FHIT: variants seen among roughly 807,000 people sequenced by gnomAD.
FHIT encodes bis(5'-adenosyl)-triphosphatase.
In FHIT, 19 loss-of-function variants were observed where a neutral mutation model predicts 17.9. The observed-to-expected ratio is 1.06, with a 90% CI of 0.74 to 1.56. FHIT has a LOEUF of 1.56. Among genes scored for constraint, FHIT ranks in the 40% most tolerant of loss-of-function variants. The pLI is 0.00. For missense variants in FHIT, 248 were observed against 189.2 expected, an observed-to-expected ratio of 1.31 and a Z score of -1.82; for synonymous variants, 81 against 69.7, an observed-to-expected ratio of 1.16 and a Z score of -0.81.
chr3:60,019,232 C>G (rs549228077), intron 5 of FHIT, among the ~76,000 whole-genome samples: 1 of 152,048 alleles, frequency 6.6e-6, no homozygotes, highest in African/African-American at 2.4e-5. Flanking sequence ...AAGAAAATCA[C>G]AAGCCAACCC....
At chr3:60,819,833 G>A (rs1020076244) in intron 4 of FHIT, among the ~76,000 whole-genome samples, 27 of 152,144 alleles carry the variant, frequency 1.8e-4, no homozygotes, top group African/African-American at 6.5e-4. Context: ...ATAGCAAAGG[G>A]GTTTTGGAGA....
At chr3:60,493,208 T>C (rs75685258) in intron 5 of FHIT, among the ~76,000 whole-genome samples, 1,626 of 152,254 alleles carry the variant, frequency 0.011, 20 homozygotes, top group East Asian at 0.052. Context: ...TTAAGGACAA[T>C]ACACACAAGG....
chr3:60,205,564 A>G (rs1175052497), intron 5 of FHIT, among the ~76,000 whole-genome samples: 4 of 152,160 alleles, frequency 2.6e-5, no homozygotes, highest in African/African-American at 9.6e-5. Flanking sequence ...TTCAAAAGGA[A>G]GTTGTTGCCT....
intron 8 of FHIT, among the ~76,000 whole-genome samples, chr3:59,822,205 G>A (rs565547581): frequency 6.6e-6 from 1 of 152,284 alleles, no homozygotes; most frequent in South Asian, 2.1e-4. Context: ...TTGACTGATG[G>A]GCATTTGGGC....
chr3:60,972,513 A>G (rs891406631), intron 3 of FHIT, among the ~76,000 whole-genome samples: 3 of 148,644 alleles, frequency 2.0e-5, no homozygotes, highest in Non-Finnish European at 4.5e-5. Context: ...TTTGTCTTCA[A>G]TTTTTAAGCA....
At chr3:60,280,366 C>T (rs1242366463) in intron 5 of FHIT, among the ~76,000 whole-genome samples, 1 of 152,136 alleles carries the variant, frequency 6.6e-6, no homozygotes, top group Non-Finnish European at 1.5e-5. Flanking sequence ...ACTTTTAAAA[C>T]ATGAAAATGT....
At chr3:60,957,762 T>C (rs919531020) in intron 3 of FHIT, among the ~76,000 whole-genome samples, 1 of 152,184 alleles carries the variant, frequency 6.6e-6, no homozygotes, top group Non-Finnish European at 1.5e-5. Flanking sequence ...CAAATGTCCC[T>C]TTACAAAGCA....
At chr3:60,124,005 TATATAGAG>T (rs1262594186) in intron 5 of FHIT, among the ~76,000 whole-genome samples, 10 of 20,914 alleles carry the variant, frequency 4.8e-4, no homozygotes, top group Admixed American at 2.5e-3. Flanking sequence ...TATATATATA[TATATAGAG>T]AGAGAGAGAG....
chr3:60,878,177 T>G (rs1331857229), intron 3 of FHIT, among the ~76,000 whole-genome samples: 1 of 152,024 alleles, frequency 6.6e-6, no homozygotes, highest in Non-Finnish European at 1.5e-5. Context: ...TCAAAGCTGG[T>G]AGGGGCTGCC....
chr3:60,345,689 T>C (rs1710741436), intron 5 of FHIT, among the ~76,000 whole-genome samples: 1 of 152,210 alleles, frequency 6.6e-6, no homozygotes, highest in Admixed American at 6.5e-5. Flanking sequence ...ATGGACCTTT[T>C]AATAGGAACA....
At chr3:60,410,201 C>G (rs1320173216) in intron 5 of FHIT, among the ~76,000 whole-genome samples, 1 of 152,044 alleles carries the variant, frequency 6.6e-6, no homozygotes, top group East Asian at 1.9e-4. Flanking sequence ...GCATTTCTGC[C>G]AAAGCTAGGT....
At chr3:60,422,525 G>A (rs1483434990) in intron 5 of FHIT, among the ~76,000 whole-genome samples, 1 of 151,774 alleles carries the variant, frequency 6.6e-6, no homozygotes, top group Non-Finnish European at 1.5e-5. Flanking sequence ...ATTCTTTTTT[G>A]TTGTTGTTAT....
intron 8 of FHIT, among the ~76,000 whole-genome samples, chr3:59,799,406 C>T (rs1008804527): frequency 8.3e-6 from 1 of 120,630 alleles, no homozygotes; most frequent in African/African-American, 2.7e-5. Flanking sequence ...CGTTTGGTTT[C>T]TCAAGGCCTG....
intron 4 of FHIT, among the ~76,000 whole-genome samples, chr3:60,765,247 A>G (rs1553721065): frequency 6.6e-6 from 1 of 152,202 alleles, no homozygotes; most frequent in East Asian, 1.9e-4. Context: ...ATCATGAGGA[A>G]ATCTCAAGTG....
intron 3 of FHIT, among the ~76,000 whole-genome samples, chr3:60,992,842 GTGGAACAACTGAAGTA>G (rs200778052): frequency 0.02 from 3,060 of 152,246 alleles, 52 homozygotes; most frequent in Non-Finnish European, 0.032. Context: ...ACAGGAGGCC[GTGGAACAACTGAAGTA>G]TGGAACATGT....
At chr3:61,163,734 CT>C (rs11358547) in intron 2 of FHIT, among the ~76,000 whole-genome samples, 6,933 of 152,182 alleles carry the variant, frequency 0.046, 508 homozygotes, top group East Asian at 0.27. Flanking sequence ...ATCACACCCC[CT>C]ATGTCCAATC....
intron 5 of FHIT, among the ~76,000 whole-genome samples, chr3:60,302,661 C>T (rs1369411795): frequency 2.6e-5 from 4 of 152,128 alleles, no homozygotes; most frequent in African/African-American, 9.7e-5. Context: ...GGTTGTCTTT[C>T]GTATTCCCCA....
At chr3:60,684,412 C>T (rs1302372365) in intron 4 of FHIT, among the ~76,000 whole-genome samples, 2 of 152,140 alleles carry the variant, frequency 1.3e-5, no homozygotes, top group Admixed American at 6.6e-5. Context: ...ACTTGGCACA[C>T]TCACCGAAGG....
intron 5 of FHIT, among the ~76,000 whole-genome samples, chr3:60,316,847 T>G (rs138732791): frequency 6.6e-6 from 1 of 152,360 alleles, no homozygotes; most frequent in African/African-American, 2.4e-5. Context: ...TGATTACTGA[T>G]GGATTATACA....
Sources: allele counts gnomAD v4.1 joint callset (sites outside exome capture counted in the v4.1 genomes callset), GRCh38; gene constraint gnomAD v4.1.1; transcripts MANE v1.5; gene names NCBI Gene and HGNC (gene_info 2026-07-23, HGNC 2026-07-21).